The following SYT14 variants were observed in gnomAD, a reference collection of about 807,000 sequenced individuals.
SYT14 encodes synaptotagmin-14.
A neutral mutation model predicts 74.2 loss-of-function variants in SYT14; 32 were observed. The ratio of observed to expected loss-of-function variants is 0.43; its 90% confidence interval spans 0.33 to 0.58. The LOEUF is 0.58. SYT14 is among the 20% of genes least tolerant of loss of function. SYT14 has a pLI of 0.05. For synonymous variants in SYT14, 298 were observed against 337.7 expected, an observed-to-expected ratio of 0.88 and a Z score of 1.29; for missense variants, 791 against 981.8, an observed-to-expected ratio of 0.81 and a Z score of 2.60.
chr1:210,007,151 T>C (rs1451694935), intron 2 of SYT14, among the ~76,000 whole-genome samples: 1 of 151,936 alleles, frequency 6.6e-6, no homozygotes, highest in Admixed American at 6.6e-5. Flanking sequence ...AAGTTTATTT[T>C]TTGTAAATAC....
chr1:210,103,570 A>AG (rs2082109734), intron 7 of SYT14, among the ~76,000 whole-genome samples: 1 of 146,406 alleles, frequency 6.8e-6, no homozygotes, highest in East Asian at 2.0e-4. Context: ...AAAAAAAAAG[A>AG]GTTTAACATT....
chr1:210,094,378 C>T (rs1415211408), exon 6 of SYT14: 5 of 1,613,968 alleles, frequency 3.1e-6, no homozygotes, highest in Non-Finnish European at 4.2e-6. Flanking sequence ...GCAGCCACCA[C>T]CATATCAGGA....
chr1:209,952,665 G>T (rs1251796332), intron 1 of SYT14, 44 bp from the exon 2 acceptor site: 10 of 1,503,356 alleles, frequency 6.7e-6, no homozygotes, highest in Non-Finnish European at 9.2e-6. Flanking sequence ...TCAGATTCAT[G>T]CTACTTTCTA....
At chr1:210,144,609 A>G (rs2102681521) in intron 7 of SYT14, among the ~76,000 whole-genome samples, 1 of 152,220 alleles carries the variant, frequency 6.6e-6, no homozygotes, top group East Asian at 1.9e-4. Flanking sequence ...GATTTCACTA[A>G]CCACTGTTGG....
At chr1:210,013,513 T>C in intron 2 of SYT14, 120 bp from the exon 3 acceptor site, 1 of 1,005,306 alleles carries the variant, frequency 9.9e-7, no homozygotes. Context: ...TTTTAAACTA[T>C]GACAATTAAA....
At chr1:209,938,559 T>A (rs1190611160) in intron 1 of SYT14, among the ~76,000 whole-genome samples, 1 of 151,776 alleles carries the variant, frequency 6.6e-6, no homozygotes, top group Non-Finnish European at 1.5e-5. Flanking sequence ...AGGTACAGCG[T>A]CCGGGCCGCC....
At chr1:210,068,833 C>T (rs546804394) in intron 5 of SYT14, among the ~76,000 whole-genome samples, 1 of 151,538 alleles carries the variant, frequency 6.6e-6, no homozygotes, top group South Asian at 2.1e-4. Flanking sequence ...TTTTCTTTTA[C>T]TTAGATTTAT....
chr1:210,097,394 C>T (rs191476049), intron 6 of SYT14, among the ~76,000 whole-genome samples: 2 of 151,880 alleles, frequency 1.3e-5, no homozygotes, highest in Admixed American at 6.5e-5. Flanking sequence ...AAAACTGGTC[C>T]CATACCTTGA....
intron 2 of SYT14, among the ~76,000 whole-genome samples, chr1:209,967,976 A>G (rs557528527): frequency 6.6e-6 from 1 of 152,264 alleles, no homozygotes; most frequent in South Asian, 2.1e-4. Flanking sequence ...CTGCTCCTAC[A>G]CTAAATTTTT....
intron 5 of SYT14, among the ~76,000 whole-genome samples, chr1:210,061,043 T>A (rs1209326771): frequency 1.3e-5 from 2 of 152,068 alleles, no homozygotes; most frequent in Non-Finnish European, 2.9e-5. Flanking sequence ...CTGTCTTCAC[T>A]GAAAGGACTT....
chr1:210,061,103 C>A (rs1245362479), intron 5 of SYT14, among the ~76,000 whole-genome samples: 1 of 151,780 alleles, frequency 6.6e-6, no homozygotes, highest in African/African-American at 2.4e-5. Flanking sequence ...TCTTTTTTTT[C>A]ATTATCTCAG....
At chr1:210,169,872 TTA>T (rs1165153875) in exon 10 of SYT14, 1 of 152,140 alleles carries the variant, frequency 6.6e-6, no homozygotes, top group African/African-American at 2.4e-5. Flanking sequence ...AATGAAATTT[TTA>T]TGGAAAAGCT....
chr1:210,127,962 G>A (rs1314637915), intron 7 of SYT14, among the ~76,000 whole-genome samples: 1 of 152,140 alleles, frequency 6.6e-6, no homozygotes, highest in African/African-American at 2.4e-5. Flanking sequence ...GGGAGGCGGA[G>A]GTTGCAGATT....
At chr1:209,939,285 C>CA (rs1250256035) in intron 1 of SYT14, among the ~76,000 whole-genome samples, 2 of 152,216 alleles carry the variant, frequency 1.3e-5, no homozygotes, top group African/African-American at 4.8e-5. Context: ...TGCAGCTGTG[C>CA]AAGGTACCTA....
intron 5 of SYT14, among the ~76,000 whole-genome samples, chr1:210,071,110 TA>T (rs2081386227): frequency 6.6e-6 from 1 of 151,664 alleles, no homozygotes; most frequent in African/African-American, 2.4e-5. Context: ...AAACATTTCA[TA>T]ATCTTTCCAA....
At chr1:210,042,420 A>G (rs1227674375) in intron 5 of SYT14, among the ~76,000 whole-genome samples, 5 of 152,176 alleles carry the variant, frequency 3.3e-5, no homozygotes, top group Admixed American at 6.6e-5. Flanking sequence ...TGTTTTAGTC[A>G]TGAAGTCTTT....
chr1:209,987,004 G>A (rs2079582573), intron 2 of SYT14, among the ~76,000 whole-genome samples: 1 of 152,160 alleles, frequency 6.6e-6, no homozygotes, highest in Non-Finnish European at 1.5e-5. Context: ...GGCATAATAT[G>A]AGTTACCTTT....
chr1:209,989,689 A>G (rs2079630910), intron 2 of SYT14, among the ~76,000 whole-genome samples: 1 of 152,154 alleles, frequency 6.6e-6, no homozygotes, highest in Non-Finnish European at 1.5e-5. Flanking sequence ...AATATATTTT[A>G]TATTACTTTT....
At chr1:210,162,242 A>T (rs1355716743) in exon 10 of SYT14, 2 of 429,002 alleles carry the variant, frequency 4.7e-6, no homozygotes, top group Non-Finnish European at 9.4e-6. Flanking sequence ...TGTGCCTTTC[A>T]TGTAAGTTAA....
Sources: gnomAD v4.1 joint callset for allele counts (sites outside exome capture counted in the v4.1 genomes callset) on GRCh38, gnomAD v4.1.1 for gene constraint, MANE v1.5 for transcripts, NCBI Gene and HGNC (gene_info 2026-07-23, HGNC 2026-07-21) for gene names.